The following RTL4 variants were observed in gnomAD, a reference collection of about 807,000 sequenced individuals.
RTL4 encodes the protein retrotransposon Gag-like protein 4.
A neutral mutation model predicts 5.3 loss-of-function variants in RTL4; 4 were observed. The observed-to-expected ratio is 0.75, with a 90% CI of 0.37 to 1.72. RTL4 has a LOEUF of 1.72. RTL4 is among the 40% of genes most tolerant of loss of function. The pLI is 0.04. For synonymous variants in RTL4, 98 were observed against 87.3 expected (o/e 1.12, Z -0.68); for missense variants, 260 against 227.1 (o/e 1.14, Z -0.93).
At chrX:112,186,350 T>A in the RTL4 span, among the ~76,000 whole-genome samples, 1 of 112,103 alleles carries the variant, frequency 8.9e-6, no homozygotes, top group Admixed American at 9.5e-5. Flanking sequence ...CTATAAGCAC[T>A]CAGTAAATAT....
chrX:112,112,475 G>A, the RTL4 span, among the ~76,000 whole-genome samples: 39 of 112,026 alleles, frequency 3.5e-4, no homozygotes, highest in South Asian at 1.5e-3. Context: ...ATGTCTTAGC[G>A]TGAGGATAAG....
chrX:112,193,779 C>T, the RTL4 span, among the ~76,000 whole-genome samples: 174 of 111,419 alleles, frequency 1.6e-3, 1 homozygote, highest in Admixed American at 6.9e-3. Context: ...TTTCAATTGA[C>T]CTATCTTCAA....
chrX:112,455,280 C>T (rs138326550), exon 1 of RTL4: 19 of 1,209,291 alleles, frequency 1.6e-5, no homozygotes, highest in Admixed American at 1.5e-4. Context: ...GTGGTCAGTT[C>T]GAAAAGGCAC....
At chrX:112,242,751 A>G in the RTL4 span, among the ~76,000 whole-genome samples, 1 of 111,622 alleles carries the variant, frequency 9.0e-6, no homozygotes, top group African/African-American at 3.3e-5. Context: ...GAGTGGTGAG[A>G]GAGGGTATCC....
At chrX:112,275,411 C>G in the RTL4 span, among the ~76,000 whole-genome samples, 1 of 111,439 alleles carries the variant, frequency 9.0e-6, no homozygotes, top group Non-Finnish European at 1.9e-5. Context: ...TGATGGTGGA[C>G]TCTTTTACCA....
At chrX:112,351,081 G>A in the RTL4 span, among the ~76,000 whole-genome samples, 1 of 111,042 alleles carries the variant, frequency 9.0e-6, no homozygotes, top group Non-Finnish European at 1.9e-5. Flanking sequence ...TGTTCTTGTT[G>A]GTTTCAAAGA....
At chrX:112,278,636 A>G in the RTL4 span, among the ~76,000 whole-genome samples, 3 of 111,742 alleles carry the variant, frequency 2.7e-5, no homozygotes, top group Non-Finnish European at 5.7e-5. Context: ...TGAAATTCTC[A>G]GTCAACAATC....
the RTL4 span, among the ~76,000 whole-genome samples, chrX:112,405,780 T>G: frequency 1.6e-4 from 18 of 110,870 alleles, no homozygotes; most frequent in Non-Finnish European, 3.2e-4. Flanking sequence ...AGGTGACCAC[T>G]AACGCTCCTT....
the RTL4 span, among the ~76,000 whole-genome samples, chrX:112,179,022 A>G: frequency 8.9e-6 from 1 of 112,022 alleles, no homozygotes; most frequent in African/African-American, 3.2e-5. Context: ...GATTCTTAGT[A>G]TTCAATGTTT....
chrX:112,379,188 C>A, the RTL4 span, among the ~76,000 whole-genome samples: 1 of 112,344 alleles, frequency 8.9e-6, no homozygotes, highest in Non-Finnish European at 1.9e-5. Flanking sequence ...CCTGATAGAG[C>A]AATAGTGCAG....
chrX:112,213,735 G>A, the RTL4 span, among the ~76,000 whole-genome samples: 30 of 110,794 alleles, frequency 2.7e-4, no homozygotes, highest in African/African-American at 8.5e-4. Flanking sequence ...ACCATCCATC[G>A]CCAGAAGTTT....
the RTL4 span, among the ~76,000 whole-genome samples, chrX:112,285,153 G>A: frequency 1.8e-5 from 2 of 111,782 alleles, no homozygotes; most frequent in Non-Finnish European, 3.8e-5. Context: ...GCCTCTAGCT[G>A]GATTCCTGAC....
chrX:112,434,232 A>G, the RTL4 span, among the ~76,000 whole-genome samples: 3 of 107,688 alleles, frequency 2.8e-5, no homozygotes, highest in Non-Finnish European at 5.8e-5. Context: ...TGGTATCAGG[A>G]TGATGCTGGC....
chrX:112,423,345 G>T, the RTL4 span, among the ~76,000 whole-genome samples: 5 of 110,747 alleles, frequency 4.5e-5, no homozygotes, highest in African/African-American at 1.6e-4. Flanking sequence ...GGAAGTGGAG[G>T]TTCATAGATT....
At chrX:112,115,891 C>T in the RTL4 span, among the ~76,000 whole-genome samples, 8 of 112,315 alleles carry the variant, frequency 7.1e-5, no homozygotes, top group East Asian at 1.4e-3. Context: ...GATAGATGGG[C>T]GAGTCTCGCT....
At chrX:112,457,055 A>G (rs1462717704) in exon 1 of RTL4, 1 of 123,355 alleles carries the variant, frequency 8.1e-6, no homozygotes, top group Non-Finnish European at 1.9e-5. Context: ...TATGTCCCCA[A>G]AATGGATATC....
the RTL4 span, among the ~76,000 whole-genome samples, chrX:112,102,283 A>G: frequency 1.8e-5 from 2 of 111,896 alleles, no homozygotes; most frequent in Admixed American, 9.5e-5. Flanking sequence ...TTGACTTCAA[A>G]GCCTGTGGTC....
the RTL4 span, among the ~76,000 whole-genome samples, chrX:112,251,735 A>G: frequency 9.0e-6 from 1 of 111,563 alleles, no homozygotes; most frequent in African/African-American, 3.3e-5. Context: ...GTACTTCTAA[A>G]AGGTTTACAG....
the RTL4 span, among the ~76,000 whole-genome samples, chrX:112,317,045 C>T: frequency 9.0e-6 from 1 of 111,616 alleles, no homozygotes. Context: ...TTTTTGCGGA[C>T]GGTGGGAGGG....
Sources: allele counts gnomAD v4.1 joint callset (sites outside exome capture counted in the v4.1 genomes callset), GRCh38; gene constraint gnomAD v4.1.1; transcripts MANE v1.5; gene names NCBI Gene and HGNC (gene_info 2026-07-23, HGNC 2026-07-21).